Variants in PAPSS1 observed in about 807,000 individuals in gnomAD.
PAPSS1 encodes the protein 3'-phosphoadenosine 5'-phosphosulfate synthase 1, also known as bifunctional 3'-phosphoadenosine 5'-phosphosulfate synthase 1.
Under a neutral mutation model 72.0 loss-of-function variants are expected in PAPSS1, and 50 were observed. The observed-to-expected ratio is 0.69, with a 90% CI of 0.55 to 0.88. The LOEUF is 0.88. Among genes scored for constraint, PAPSS1 ranks in the 40% least tolerant of loss-of-function variants. The pLI is 0.00. For synonymous variants in PAPSS1, 261 were observed against 263.6 expected, an observed-to-expected ratio of 0.99 and a Z score of 0.09; for missense variants, 657 against 782.2, an observed-to-expected ratio of 0.84 and a Z score of 1.91.
At chr4:107,640,065 T>C (rs952848683) in intron 10 of PAPSS1, among the ~76,000 whole-genome samples, 1 of 152,224 alleles carries the variant, frequency 6.6e-6, no homozygotes, top group African/African-American at 2.4e-5. Context: ...GTTAGTAACA[T>C]ATATCCACAT....
At chr4:107,691,188 A>T (rs1364783188) in intron 3 of PAPSS1, among the ~76,000 whole-genome samples, 1 of 152,184 alleles carries the variant, frequency 6.6e-6, no homozygotes, top group Non-Finnish European at 1.5e-5. Flanking sequence ...TTAAAAAAAA[A>T]AAAAGTCCAA....
intron 4 of PAPSS1, among the ~76,000 whole-genome samples, chr4:107,684,755 C>T (rs1282187666): frequency 6.6e-6 from 1 of 152,028 alleles, no homozygotes; most frequent in Non-Finnish European, 1.5e-5. Flanking sequence ...CTTTCTGGAC[C>T]AAACCAATGT....
Position 107,719,361 on chromosome 4 carries a change from C to G in PAPSS1, c.60+759G>C, listed in dbSNP as rs140833891. ...TGCACACTTACAAAGGAAGATAAGG[C>G]TCTTTCTCATCACAGAGAAATTAAG... On this transcript the variant is annotated intron_variant, in intron 1 of 11. Transcript: ENST00000265174. Among the ~76,000 whole-genome samples, 421 of 152,232 alleles carry G rather than the reference C, an allele frequency of 2.8e-3. 2 individuals carry two copies. Among genetic ancestry groups the G allele is most frequent in the African/African-American group, 9.5e-3 (396 of 41,544 alleles).
At chr4:107,658,442 CAA>C (rs965111990) in intron 6 of PAPSS1, among the ~76,000 whole-genome samples, 15 of 151,484 alleles carry the variant, frequency 9.9e-5, no homozygotes, top group African/African-American at 3.6e-4. Flanking sequence ...CTTCATTTTA[CAA>C]AGACTATTAT....
intron 2 of PAPSS1, among the ~76,000 whole-genome samples, chr4:107,698,051 C>T (rs544179188): frequency 1.9e-3 from 285 of 152,298 alleles, no homozygotes; most frequent in Non-Finnish European, 2.9e-3. Flanking sequence ...CTTCTAGCCT[C>T]GAGAACTGTG....
chr4:107,646,521 G>C (rs1005429388), intron 9 of PAPSS1, among the ~76,000 whole-genome samples: 8 of 152,058 alleles, frequency 5.3e-5, no homozygotes, highest in African/African-American at 1.9e-4. Flanking sequence ...AGCTTTTAGA[G>C]CTGGGGCAAG....
At chr4:107,694,089 AAG>A in intron 2 of PAPSS1, 83 bp from the exon 3 acceptor site, 1 of 1,001,184 alleles carries the variant, frequency 1.0e-6, no homozygotes, top group South Asian at 1.5e-5. Context: ...TCCCAGAAAC[AAG>A]AGTCTTGCTC....
intron 5 of PAPSS1, among the ~76,000 whole-genome samples, chr4:107,667,086 T>C (rs1253224942): frequency 1.3e-5 from 2 of 152,098 alleles, no homozygotes; most frequent in Non-Finnish European, 2.9e-5. Context: ...CCCTGACCTC[T>C]GGGGAGCAGA....
intron 6 of PAPSS1, among the ~76,000 whole-genome samples, chr4:107,658,384 TAAATA>T (rs148671860): frequency 0.15 from 22,708 of 150,046 alleles, 3,071 homozygotes; most frequent in African/African-American, 0.37. Flanking sequence ...GAAGAAACAT[TAAATA>T]AAATATTTTC....
chr4:107,634,560 GAT>G (rs1407451462), intron 10 of PAPSS1, among the ~76,000 whole-genome samples: 1 of 151,816 alleles, frequency 6.6e-6, no homozygotes, highest in Non-Finnish European at 1.5e-5. Flanking sequence ...AAATTAACAA[GAT>G]ATGTTATCTA....
intron 9 of PAPSS1, 140 bp downstream of exon 9, chr4:107,653,351 G>T: frequency 3.2e-6 from 2 of 616,788 alleles, no homozygotes; most frequent in Non-Finnish European, 5.2e-6. Flanking sequence ...GGCTAGTTTT[G>T]ATTGACTACC....
intron 5 of PAPSS1, among the ~76,000 whole-genome samples, chr4:107,668,851 C>T (rs1462765283): frequency 6.6e-6 from 1 of 152,028 alleles, no homozygotes; most frequent in Non-Finnish European, 1.5e-5. Context: ...CTCTAGAGAA[C>T]CCTAATATAC....
intron 5 of PAPSS1, among the ~76,000 whole-genome samples, chr4:107,664,893 T>C (rs1727275447): frequency 6.6e-6 from 1 of 152,216 alleles, no homozygotes; most frequent in Admixed American, 6.5e-5. Flanking sequence ...TCATATTTTG[T>C]TTTTGAGTCA....
intron 1 of PAPSS1, 111 bp downstream of exon 1, chr4:107,720,009 C>T: frequency 1.3e-6 from 2 of 1,519,170 alleles, no homozygotes; most frequent in South Asian, 1.2e-5. Flanking sequence ...CCCACCTCCG[C>T]GCTCCTGGAA....
intron 11 of PAPSS1, among the ~76,000 whole-genome samples, chr4:107,619,594 C>CTGGA (rs1725905235): frequency 6.6e-6 from 1 of 152,114 alleles, no homozygotes; most frequent in Non-Finnish European, 1.5e-5. Context: ...TGAAGAATTT[C>CTGGA]TGGAATGGGC....
intron 5 of PAPSS1, among the ~76,000 whole-genome samples, chr4:107,663,340 C>T (rs1186189520): frequency 1.3e-5 from 2 of 152,102 alleles, no homozygotes; most frequent in African/African-American, 2.4e-5. Flanking sequence ...ACAGTGCAAT[C>T]TTGAGCATCT....
intron 1 of PAPSS1, among the ~76,000 whole-genome samples, chr4:107,717,604 T>G (rs111419923): frequency 0.02 from 2,987 of 152,288 alleles, 99 homozygotes; most frequent in African/African-American, 0.068. Context: ...TTTTAACCAC[T>G]GTCTCTCATA....
intron 6 of PAPSS1, 50 bp from the exon 7 acceptor site, chr4:107,657,057 G>A (rs1190736943): frequency 1.8e-6 from 2 of 1,130,792 alleles, no homozygotes; most frequent in African/African-American, 3.0e-5. Context: ...GTATATATGA[G>A]CAAAAGCAGT....
At chr4:107,698,489 T>C (rs1213071472) in intron 2 of PAPSS1, among the ~76,000 whole-genome samples, 1 of 152,058 alleles carries the variant, frequency 6.6e-6, no homozygotes, top group African/African-American at 2.4e-5. Flanking sequence ...TCCGAACAAG[T>C]GAAAACCTGA....
Sources: gnomAD v4.1 joint callset for allele counts (sites outside exome capture counted in the v4.1 genomes callset) on GRCh38, gnomAD v4.1.1 for gene constraint, MANE v1.5 for transcripts, NCBI Gene and HGNC (gene_info 2026-07-23, HGNC 2026-07-21) for gene names.